The following SNUPN variants were observed in gnomAD, a reference collection of about 807,000 sequenced individuals.
SNUPN encodes snurportin-1.
SNUPN carries 31 observed loss-of-function variants against 39.2 expected under a neutral mutation model. That is an observed-to-expected ratio of 0.79 (90% CI 0.59 to 1.07). The LOEUF (loss-of-function observed/expected upper bound fraction) is 1.07. SNUPN is among the 50% of genes least tolerant of loss of function. SNUPN has a pLI of 0.00. For synonymous variants in SNUPN, 132 were observed against 159.0 expected (o/e 0.83, Z 1.28); for missense variants, 382 against 434.2 (o/e 0.88, Z 1.07).
At chr15:75,620,836 G>T in intron 2 of SNUPN, 58 bp downstream of exon 2, 2 of 1,483,882 alleles carry the variant, frequency 1.3e-6, no homozygotes, top group South Asian at 2.3e-5. Context: ...TAGAGCCTTC[G>T]GAATGGTTCA....
At chr15:75,617,344 G>T in intron 3 of SNUPN, 64 bp downstream of exon 3, 1 of 1,519,790 alleles carries the variant, frequency 6.6e-7, no homozygotes. Flanking sequence ...TTATTTCAGT[G>T]GGCTTTGACT....
intron 3 of SNUPN, among the ~76,000 whole-genome samples, chr15:75,610,678 T>C (rs1329063501): frequency 6.6e-6 from 1 of 152,214 alleles, no homozygotes; most frequent in African/African-American, 2.4e-5. Context: ...CAGAGATGAA[T>C]AAGATCCCTG....
At chr15:75,611,300 T>C (rs957942148) in intron 3 of SNUPN, among the ~76,000 whole-genome samples, 4 of 150,592 alleles carry the variant, frequency 2.7e-5, no homozygotes, top group African/African-American at 9.7e-5. Context: ...TCGCCCAGGC[T>C]GGAGTGCAGT....
chr15:75,608,713 T>C (rs965576012), intron 5 of SNUPN, among the ~76,000 whole-genome samples: 2 of 152,202 alleles, frequency 1.3e-5, no homozygotes, highest in Non-Finnish European at 2.9e-5. Context: ...AAAGATATGT[T>C]GACCTTAATT....
At chr15:75,613,583 T>C (rs1248355123) in intron 3 of SNUPN, among the ~76,000 whole-genome samples, 2 of 142,100 alleles carry the variant, frequency 1.4e-5, no homozygotes, top group Non-Finnish European at 3.0e-5. Context: ...GCAGAGGTTG[T>C]AGTGAGCTAA....
At chr15:75,601,059 A>G in intron 8 of SNUPN, 79 bp downstream of exon 8, 1 of 1,037,124 alleles carries the variant, frequency 9.6e-7, no homozygotes, top group Non-Finnish European at 1.5e-6. Context: ...CAATCAAGGA[A>G]TATTTTAAGA....
chr15:75,603,422 G>A (rs2075306299), intron 7 of SNUPN, among the ~76,000 whole-genome samples: 1 of 150,238 alleles, frequency 6.7e-6, no homozygotes, highest in South Asian at 2.1e-4. Context: ...AGCACTTTGG[G>A]AGGCTGAGGC....
chr15:75,609,832 A>G, intron 4 of SNUPN, 58 bp downstream of exon 4: 1 of 1,396,758 alleles, frequency 7.2e-7, no homozygotes, highest in Non-Finnish European at 1.0e-6. Flanking sequence ...ATGGAGCACA[A>G]AGAATCCCTC....
chr15:75,624,277 T>C (rs909229672), intron 1 of SNUPN, among the ~76,000 whole-genome samples: 2 of 151,048 alleles, frequency 1.3e-5, no homozygotes, highest in East Asian at 3.9e-4. Context: ...ACCAAAGTAA[T>C]GACCAAATCC....
chr15:75,611,099 C>T (rs1223779450), intron 3 of SNUPN, among the ~76,000 whole-genome samples: 1 of 150,896 alleles, frequency 6.6e-6, no homozygotes, highest in Admixed American at 6.6e-5. Context: ...ACCCAGGAGG[C>T]GCAGGTTGCA....
intron 5 of SNUPN, among the ~76,000 whole-genome samples, chr15:75,608,774 T>G (rs550466107): frequency 6.6e-6 from 1 of 152,308 alleles, no homozygotes; most frequent in South Asian, 2.1e-4. Context: ...ATTCTGCAAC[T>G]GGGGACGCTT....
chr15:75,624,805 T>G, intron 1 of SNUPN: 1 of 1,180,684 alleles, frequency 8.5e-7, no homozygotes, highest in Non-Finnish European at 1.1e-6. Flanking sequence ...AGAGTTTCGC[T>G]CTTGTTGCCC....
At chr15:75,600,283 T>G (rs1215348399) in intron 8 of SNUPN, among the ~76,000 whole-genome samples, 2 of 151,522 alleles carry the variant, frequency 1.3e-5, no homozygotes, top group Non-Finnish European at 2.9e-5. Flanking sequence ...GTTTTTTGTT[T>G]TTTTTTTTTG....
chr15:75,598,767 G>T, intron 8 of SNUPN, 86 bp from the exon 9 acceptor site: 1 of 1,015,128 alleles, frequency 9.9e-7, no homozygotes, highest in Non-Finnish European at 1.4e-6. Context: ...GGCAGCTCTT[G>T]TGGTCCGACT....
At chr15:75,612,443 T>A (rs1442661375) in intron 3 of SNUPN, among the ~76,000 whole-genome samples, 2 of 152,188 alleles carry the variant, frequency 1.3e-5, no homozygotes, top group African/African-American at 2.4e-5. Context: ...ATAGCACTAC[T>A]CTGTTTTTCC....
upstream of SNUPN, chr15:75,625,827 G>T (rs1847779136): frequency 6.6e-6 from 1 of 151,944 alleles, no homozygotes; most frequent in Admixed American, 6.6e-5. Flanking sequence ...CTTTGCGAAC[G>T]CTGGGAGTTC....
intron 3 of SNUPN, among the ~76,000 whole-genome samples, chr15:75,615,386 C>T (rs1354500598): frequency 6.6e-6 from 1 of 152,088 alleles, no homozygotes; most frequent in Non-Finnish European, 1.5e-5. Context: ...CCTAACTGGC[C>T]TGCAAACTGC....
At chr15:75,622,833 TA>T (rs1460571859) in intron 1 of SNUPN, among the ~76,000 whole-genome samples, 1 of 152,196 alleles carries the variant, frequency 6.6e-6, no homozygotes, top group African/African-American at 2.4e-5. Context: ...TTGTTTAATT[TA>T]AAAGGAACTT....
At chr15:75,612,037 CTT>C (rs60411925) in intron 3 of SNUPN, among the ~76,000 whole-genome samples, 1 of 139,608 alleles carries the variant, frequency 7.2e-6, no homozygotes, top group Non-Finnish European at 1.5e-5. Flanking sequence ...CCTTTTTTTC[CTT>C]TTTTTTTTTT....
Sources: gnomAD v4.1 joint callset for allele counts (sites outside exome capture counted in the v4.1 genomes callset) on GRCh38, gnomAD v4.1.1 for gene constraint, MANE v1.5 for transcripts, NCBI Gene and HGNC (gene_info 2026-07-23, HGNC 2026-07-21) for gene names.